The following RALYL variants were observed in gnomAD, a reference collection of about 807,000 sequenced individuals.
The protein encoded by RALYL is RALY RNA binding protein like.
A neutral mutation model predicts 35.1 loss-of-function variants in RALYL; 29 were observed. The ratio of observed to expected loss-of-function variants is 0.83; its 90% CI spans 0.61 to 1.13. RALYL has a LOEUF of 1.13. Among genes scored for constraint, RALYL ranks in the 50% most tolerant of loss-of-function variants. The pLI, the probability that RALYL is intolerant of heterozygous loss-of-function variation, is 0.00. For missense variants in RALYL, 359 were observed against 360.4 expected (o/e 1.00, Z 0.03); for synonymous variants, 120 against 127.6 (o/e 0.94, Z 0.40).
At chr8:84,635,468 C>G (rs1206140336) in intron 2 of RALYL, among the ~76,000 whole-genome samples, 1 of 151,410 alleles carries the variant, frequency 6.6e-6, no homozygotes, top group Non-Finnish European at 1.5e-5. Context: ...TCTTTTAAAA[C>G]ATTTTTGGAG....
chr8:84,246,363 C>A (rs1252282349), intron 1 of RALYL, among the ~76,000 whole-genome samples: 1 of 151,946 alleles, frequency 6.6e-6, no homozygotes, highest in African/African-American at 2.4e-5. Flanking sequence ...GTAAGAGAAA[C>A]AAAACAAATA....
chr8:84,710,414 T>C (rs1003115106), intron 2 of RALYL, among the ~76,000 whole-genome samples: 3 of 151,918 alleles, frequency 2.0e-5, no homozygotes, highest in African/African-American at 7.3e-5. Context: ...CGATTCTCCT[T>C]CCACAGCCTC....
At chr8:84,567,106 T>G (rs2061834174) in intron 2 of RALYL, among the ~76,000 whole-genome samples, 1 of 151,816 alleles carries the variant, frequency 6.6e-6, no homozygotes, top group Admixed American at 6.6e-5. Context: ...TGTTGTTGAG[T>G]TATATGAGTT....
chr8:84,638,977 C>G (rs1051094799), intron 2 of RALYL, among the ~76,000 whole-genome samples: 5 of 138,090 alleles, frequency 3.6e-5, no homozygotes, highest in South Asian at 2.3e-4. Context: ...CACACACACA[C>G]ACACACACAC....
chr8:84,425,516 C>A (rs576877918), intron 1 of RALYL, among the ~76,000 whole-genome samples: 1 of 152,202 alleles, frequency 6.6e-6, no homozygotes. Flanking sequence ...TCTTCTGCGT[C>A]GCTCACGCTG....
At chr8:84,901,555 G>A (rs1845688199) in intron 8 of RALYL, among the ~76,000 whole-genome samples, 2 of 152,280 alleles carry the variant, frequency 1.3e-5, no homozygotes, top group East Asian at 1.9e-4. Flanking sequence ...CATGAGATCC[G>A]CAAGCATCTC....
chr8:84,630,913 A>C (rs1823780877), intron 2 of RALYL, among the ~76,000 whole-genome samples: 1 of 152,076 alleles, frequency 6.6e-6, no homozygotes, highest in Non-Finnish European at 1.5e-5. Context: ...TTATAAAATT[A>C]AGGAGATTTG....
At chr8:84,576,962 G>A (rs529274679) in intron 2 of RALYL, among the ~76,000 whole-genome samples, 1 of 152,194 alleles carries the variant, frequency 6.6e-6, no homozygotes, top group Non-Finnish European at 1.5e-5. Flanking sequence ...AGTTTACAGT[G>A]CCTATCTCTC....
intron 2 of RALYL, among the ~76,000 whole-genome samples, chr8:84,577,388 G>A (rs1809718022): frequency 2.0e-5 from 3 of 152,286 alleles, no homozygotes; most frequent in African/African-American, 7.2e-5. Context: ...AGTGACAGAC[G>A]AATGGTGGGT....
chr8:84,825,420 C>T (rs903187847), intron 4 of RALYL, among the ~76,000 whole-genome samples: 3 of 152,142 alleles, frequency 2.0e-5, no homozygotes, highest in African/African-American at 7.2e-5. Flanking sequence ...AGTTCAACCA[C>T]TGTGGAAAGC....
chr8:84,413,161 G>C (rs1270259527), intron 1 of RALYL, among the ~76,000 whole-genome samples: 2 of 149,990 alleles, frequency 1.3e-5, no homozygotes, highest in African/African-American at 4.9e-5. Context: ...CAAAATATTT[G>C]ACTAAATAAT....
intron 3 of RALYL, among the ~76,000 whole-genome samples, chr8:84,798,151 A>G (rs1374659970): frequency 6.6e-6 from 1 of 152,132 alleles, no homozygotes; most frequent in East Asian, 1.9e-4. Flanking sequence ...TGCATTGATA[A>G]CATGACTCCT....
intron 1 of RALYL, among the ~76,000 whole-genome samples, chr8:84,266,057 C>T (rs894124288): frequency 2.8e-4 from 42 of 152,188 alleles, no homozygotes; most frequent in African/African-American, 1.0e-3. Context: ...ACGTTAATAG[C>T]CTCCTCTGTG....
At chr8:84,415,463 C>T (rs1828646158) in intron 1 of RALYL, among the ~76,000 whole-genome samples, 2 of 152,120 alleles carry the variant, frequency 1.3e-5, no homozygotes, top group South Asian at 4.1e-4. Flanking sequence ...TGGTCTGGAA[C>T]TCCTGACCTT....
intron 1 of RALYL, among the ~76,000 whole-genome samples, chr8:84,280,014 G>T (rs979942435): frequency 1.3e-5 from 2 of 152,154 alleles, no homozygotes; most frequent in African/African-American, 4.8e-5. Context: ...ATCTTGAGTG[G>T]ACAGGGCATT....
At chr8:84,518,997 TAA>T (rs1309289472) in intron 1 of RALYL, among the ~76,000 whole-genome samples, 3 of 152,222 alleles carry the variant, frequency 2.0e-5, no homozygotes, top group African/African-American at 7.2e-5. Flanking sequence ...AGTGGAGGAA[TAA>T]GAGGGATACA....
Position 84,676,707 on chromosome 8 carries a change from G to A in RALYL, c.257-97872G>A, listed in dbSNP as rs140280347. Among the ~76,000 whole-genome samples, 10 of 152,286 alleles carry A rather than the reference G, an allele frequency of 6.6e-5. No homozygotes were observed. The East Asian group carries it at 1.9e-3, about 29-fold the overall frequency. ...ATTAAATGATTATTAAGGCCTTTCT[G>A]TGCTTGGAGTTATGGGGAAACATAG... On this transcript the variant is annotated intron_variant, in intron 2 of 8. Transcript: ENST00000521268.
rs374650214 is a variant in RALYL at position 84,862,354 on chromosome 8, C to T, written c.472C>T (p.Arg158Cys). ...TCCCCGTGCAGTAATTCCGCTGAAG[C>T]GTCCCAGAGTGGCAGTCACAACGAC... Reference protein sequence around the residue: ...PPPRAVIPLKRPRVAVTTTRR... With the variant: ...PPPRAVIPLKCPRVAVTTTRR... The change falls in exon 6 of 9, where the codon CGT becomes TGT. Residue 158 changes from arginine (R) to cysteine (C), a missense_variant. Physicochemically the swap from Arg to Cys is radical, Grantham distance 180. Coordinates refer to ENST00000521268, the MANE Select transcript of RALYL (RefSeq NM_173848.7). 9 of 1,604,576 alleles carry T rather than the reference C, an allele frequency of 5.6e-6. No individual in the cohort carries two copies. In the Admixed American group the frequency reaches 6.8e-5, roughly 12 times the overall value.
intron 2 of RALYL, among the ~76,000 whole-genome samples, chr8:84,755,274 G>A (rs889033720): frequency 1.3e-5 from 2 of 152,144 alleles, no homozygotes; most frequent in Non-Finnish European, 1.5e-5. Context: ...CCAAATAGCA[G>A]TCTTTTTGTA....
Sources: gnomAD v4.1 joint callset for allele counts (sites outside exome capture counted in the v4.1 genomes callset) on GRCh38, gnomAD v4.1.1 for gene constraint, MANE v1.5 for transcripts, NCBI Gene and HGNC (gene_info 2026-07-23, HGNC 2026-07-21) for gene names.